The following PRELID2 variants were observed in gnomAD, a reference collection of about 807,000 sequenced individuals.
PRELID2 encodes PRELI domain containing 2, also known as PRELI domain-containing protein 2.
Under a neutral mutation model 28.4 loss-of-function variants are expected in PRELID2, and 25 were observed. The ratio of observed to expected loss-of-function variants is 0.88; its 90% CI spans 0.64 to 1.23. The LOEUF (loss-of-function observed/expected upper bound fraction) is 1.23, where lower values mean the gene tolerates loss of function less well. Ranked by LOEUF, PRELID2 falls within the 50% of genes most tolerant of loss-of-function variation. The probability of loss-of-function intolerance (pLI) is 0.00; values close to 1 mark genes in which losing one functional copy is unlikely to be tolerated. For synonymous variants in PRELID2, 76 were observed against 71.6 expected (o/e 1.06, Z -0.31); for missense variants, 201 against 214.4 (o/e 0.94, Z 0.39).
chr5:145,528,730 G>C (rs201960875), intron 1 of PRELID2, among the ~76,000 whole-genome samples: 391 of 139,142 alleles, frequency 2.8e-3, no homozygotes, highest in African/African-American at 0.01. Context: ...CACACACAGA[G>C]AGAGAGAGAG....
At chr5:145,735,474 T>C (rs1756471008) in intron 1 of PRELID2, among the ~76,000 whole-genome samples, 1 of 152,004 alleles carries the variant, frequency 6.6e-6, no homozygotes, top group African/African-American at 2.4e-5. Context: ...GACAGTGACA[T>C]GACATAGTGT....
At chr5:145,740,249 A>C (rs1354269373) in intron 1 of PRELID2, among the ~76,000 whole-genome samples, 1 of 124,714 alleles carries the variant, frequency 8.0e-6, no homozygotes, top group Non-Finnish European at 1.7e-5. Context: ...TTATATAATA[A>C]TGACAGGATT....
the PRELID2 span, among the ~76,000 whole-genome samples, chr5:145,430,204 A>G: frequency 6.6e-6 from 1 of 152,200 alleles, no homozygotes; most frequent in African/African-American, 2.4e-5. Flanking sequence ...ACCATCCTCC[A>G]TGAAGTATTG....
chr5:145,806,688 C>T (rs1378224576), intron 4 of PRELID2, among the ~76,000 whole-genome samples: 2 of 152,156 alleles, frequency 1.3e-5, no homozygotes, highest in African/African-American at 2.4e-5. Context: ...TCCCATGTGT[C>T]AAGGGAGGGA....
chr5:145,698,347 T>A (rs928036403), intron 1 of PRELID2, among the ~76,000 whole-genome samples: 1 of 152,212 alleles, frequency 6.6e-6, no homozygotes, highest in Non-Finnish European at 1.5e-5. Context: ...GTCCCTATTA[T>A]CTTGGAGCTT....
intron 5 of PRELID2, among the ~76,000 whole-genome samples, chr5:145,789,268 T>C (rs1481622700): frequency 6.6e-6 from 1 of 152,008 alleles, no homozygotes. Flanking sequence ...CCTATAGTAA[T>C]CAAAATGGCA....
intron 1 of PRELID2, among the ~76,000 whole-genome samples, chr5:145,662,110 A>G (rs1233578048): frequency 3.3e-5 from 5 of 152,066 alleles, no homozygotes; most frequent in Non-Finnish European, 7.4e-5. Context: ...TCAATAGCCC[A>G]CTGTGAACAG....
chr5:145,362,255 C>T, the PRELID2 span, among the ~76,000 whole-genome samples: 1 of 152,130 alleles, frequency 6.6e-6, no homozygotes, highest in Non-Finnish European at 1.5e-5. Context: ...AAGAAAAATA[C>T]AGGCTGGAGG....
At chr5:145,589,014 C>T (rs1753191226) in intron 1 of PRELID2, among the ~76,000 whole-genome samples, 1 of 152,060 alleles carries the variant, frequency 6.6e-6, no homozygotes, top group African/African-American at 2.4e-5. Context: ...ACCACCTCAA[C>T]TGTTTGTTGT....
chr5:145,689,582 C>A (rs528717306), intron 1 of PRELID2, among the ~76,000 whole-genome samples: 1 of 152,306 alleles, frequency 6.6e-6, no homozygotes, highest in Non-Finnish European at 1.5e-5. Context: ...GTATTCAACA[C>A]ATCAGAGGTT....
the PRELID2 span, among the ~76,000 whole-genome samples, chr5:145,271,323 C>T: frequency 6.6e-6 from 1 of 152,032 alleles, no homozygotes; most frequent in African/African-American, 2.4e-5. Context: ...CTCCTGGGCT[C>T]AAGCGATTCT....
intron 1 of PRELID2, among the ~76,000 whole-genome samples, chr5:145,696,645 G>A (rs190574174): frequency 2.6e-4 from 39 of 151,814 alleles, no homozygotes; most frequent in Middle Eastern, 6.8e-3. Context: ...TGTATTTTTT[G>A]TAGAGACGGA....
chr5:145,373,842 A>T, the PRELID2 span, among the ~76,000 whole-genome samples: 38 of 94,018 alleles, frequency 4.0e-4, no homozygotes, highest in Non-Finnish European at 6.5e-4. Context: ...CAACATATAT[A>T]ATATATATGA....
the PRELID2 span, among the ~76,000 whole-genome samples, chr5:145,309,147 G>C: frequency 6.6e-6 from 1 of 152,176 alleles, no homozygotes; most frequent in East Asian, 1.9e-4. Flanking sequence ...TTTGATGCCT[G>C]AGGTCTTTAT....
At chr5:145,646,011 T>C (rs930300394) in intron 1 of PRELID2, among the ~76,000 whole-genome samples, 27 of 152,202 alleles carry the variant, frequency 1.8e-4, no homozygotes, top group African/African-American at 6.5e-4. Flanking sequence ...TTATGTTTCT[T>C]GGGGTTGCTC....
chr5:145,287,101 T>C, the PRELID2 span, among the ~76,000 whole-genome samples: 1 of 152,186 alleles, frequency 6.6e-6, no homozygotes, highest in Non-Finnish European at 1.5e-5. Context: ...CTTTAAAATA[T>C]AGTGATCTCC....
intron 1 of PRELID2, among the ~76,000 whole-genome samples, chr5:145,571,469 G>A (rs1753014325): frequency 6.6e-6 from 1 of 152,112 alleles, no homozygotes; most frequent in Non-Finnish European, 1.5e-5. Context: ...TTCTTATCCA[G>A]CATCACATGA....
the PRELID2 span, among the ~76,000 whole-genome samples, chr5:145,410,048 T>A: frequency 2.6e-4 from 40 of 151,948 alleles, no homozygotes; most frequent in African/African-American, 9.4e-4. Context: ...TAAACAAAAA[T>A]GTAAGGTGGC....
At chr5:145,392,525 G>A in the PRELID2 span, among the ~76,000 whole-genome samples, 1 of 152,156 alleles carries the variant, frequency 6.6e-6, no homozygotes, top group Admixed American at 6.6e-5. Flanking sequence ...TGGACACAGA[G>A]AGCGTATGTA....
Sources: allele counts gnomAD v4.1 joint callset (sites outside exome capture counted in the v4.1 genomes callset), GRCh38; gene constraint gnomAD v4.1.1; transcripts MANE v1.5; gene names NCBI Gene and HGNC (gene_info 2026-07-23, HGNC 2026-07-21).